CTNNA3: variants seen among roughly 807,000 people sequenced by gnomAD.
CTNNA3 encodes the protein catenin alpha 3.
CTNNA3 carries 76 observed loss-of-function variants against 95.7 expected under a neutral mutation model. That is an observed-to-expected ratio of 0.79 (90% CI 0.66 to 0.96). The LOEUF is 0.96. Ranked by LOEUF, CTNNA3 falls within the 40% of genes least tolerant of loss-of-function variation. The probability of loss-of-function intolerance (pLI) is 0.00; values close to 1 mark genes in which losing one functional copy is unlikely to be tolerated. For synonymous variants in CTNNA3, 431 were observed against 374.4 expected (o/e 1.15, Z -1.74); for missense variants, 1,191 against 1,089.8 (o/e 1.09, Z -1.31).
In CTNNA3 at chr10:66,269,183, GC is replaced by G. The variant is rs534482276; in HGVS notation, c.1884+11286del. 2.0e-5 allele frequency among the ~76,000 whole-genome samples: 3 copies of G among 152,160 alleles called. No individual in the cohort carries two copies. The South Asian group carries it at 6.2e-4, about 31-fold the overall frequency. Reference sequence around the variant, plus strand: ...TCTTTGTTATCCCCATTTTACAAATGCAAATCTGAAGTTAAAAGACTACATG... The same window carrying G: ...TCTTTGTTATCCCCATTTTACAAATGAAATCTGAAGTTAAAAGACTACATG... On this transcript the variant is annotated intron_variant, in intron 13 of 17. Transcript: ENST00000433211.
intron 10 of CTNNA3, among the ~76,000 whole-genome samples, chr10:66,564,301 G>C (rs1353338432): frequency 6.6e-6 from 1 of 152,132 alleles, no homozygotes; most frequent in Non-Finnish European, 1.5e-5. Flanking sequence ...TACAGATCTT[G>C]CCTCTAGCCA....
Position 67,542,277 on chromosome 10 carries a change from A to G in CTNNA3, c.293-2608T>C, listed in dbSNP as rs1002230295. On this transcript the variant is annotated intron_variant, in intron 3 of 17. Coordinates refer to ENST00000433211, the MANE Select transcript of CTNNA3 (RefSeq NM_013266.4). ...GGGAAGCTTGGACCCCCCATTACCA[A>G]GATAGGTCTTACAATAAGATTCTAT... Among the ~76,000 whole-genome samples, 14 of 152,192 alleles carry G rather than the reference A, an allele frequency of 9.2e-5. No individual in the cohort carries two copies. In the East Asian group the frequency reaches 2.7e-3, roughly 29 times the overall value.
At chr10:66,346,224 TATATATATATATATATATATATAGAGAG>T (rs1202283574) in intron 12 of CTNNA3, among the ~76,000 whole-genome samples, 150 of 80,994 alleles carry the variant, frequency 1.9e-3, no homozygotes, top group African/African-American at 3.8e-3. Flanking sequence ...TATATATATA[TATATATATATATATATATATATAGAGAG>T]AGAGAGAGAG....
intron 11 of CTNNA3, among the ~76,000 whole-genome samples, chr10:66,389,825 A>G (rs1013623311): frequency 6.6e-6 from 1 of 151,496 alleles, no homozygotes; most frequent in Admixed American, 6.6e-5. Flanking sequence ...TGCAACCTCA[A>G]ACTCTTGGGC....
chr10:66,181,996 T>A (rs553349428), intron 13 of CTNNA3, among the ~76,000 whole-genome samples: 1 of 152,270 alleles, frequency 6.6e-6, no homozygotes, highest in East Asian at 1.9e-4. Flanking sequence ...AATTTTGCAA[T>A]TGCTAATGTT....
At chr10:67,324,701 C>CTT (rs77397580) in intron 5 of CTNNA3, among the ~76,000 whole-genome samples, 1 of 141,998 alleles carries the variant, frequency 7.0e-6, no homozygotes, top group Admixed American at 7.1e-5. Context: ...AAATTTTCTC[C>CTT]TTTTTTTTTT....
chr10:67,089,505 A>G (rs1857501497), intron 7 of CTNNA3, among the ~76,000 whole-genome samples: 1 of 152,070 alleles, frequency 6.6e-6, no homozygotes, highest in Non-Finnish European at 1.5e-5. Flanking sequence ...GAACAAATAA[A>G]TCAGTTTCAA....
At chr10:67,458,516 T>G (rs1478548983) in intron 5 of CTNNA3, among the ~76,000 whole-genome samples, 3 of 152,004 alleles carry the variant, frequency 2.0e-5, no homozygotes, top group Non-Finnish European at 2.9e-5. Context: ...AGTGTAAAAC[T>G]TCTGGAAGTA....
intron 5 of CTNNA3, among the ~76,000 whole-genome samples, chr10:67,297,073 A>C (rs1392213625): frequency 6.6e-6 from 1 of 151,854 alleles, no homozygotes; most frequent in Non-Finnish European, 1.5e-5. Context: ...TATGACCTCT[A>C]GTCAGTCACC....
At chr10:66,913,208 C>A (rs747327040) in intron 7 of CTNNA3, among the ~76,000 whole-genome samples, 6 of 116,842 alleles carry the variant, frequency 5.1e-5, no homozygotes, top group Admixed American at 4.8e-4. Flanking sequence ...CACTGCAGTC[C>A]GGCCTGGGCG....
chr10:66,281,272 C>CT (rs989456104), intron 12 of CTNNA3, among the ~76,000 whole-genome samples: 46 of 151,904 alleles, frequency 3.0e-4, no homozygotes, highest in African/African-American at 9.6e-4. Context: ...CATGGATTAT[C>CT]TTTTTAAATT....
intron 7 of CTNNA3, among the ~76,000 whole-genome samples, chr10:66,790,716 T>A (rs543857776): frequency 6.6e-6 from 1 of 152,288 alleles, no homozygotes; most frequent in South Asian, 2.1e-4. Context: ...TATATTATTC[T>A]CATCTTAGGA....
chr10:67,113,612 C>A (rs1859017010), intron 7 of CTNNA3, among the ~76,000 whole-genome samples: 1 of 152,086 alleles, frequency 6.6e-6, no homozygotes, highest in African/African-American at 2.4e-5. Context: ...TTTTAAGAGA[C>A]AGGGCCTTAT....
At chr10:67,282,328 C>G (rs1486226703) in intron 5 of CTNNA3, among the ~76,000 whole-genome samples, 2 of 152,038 alleles carry the variant, frequency 1.3e-5, no homozygotes, top group African/African-American at 4.8e-5. Context: ...CTAATATAAA[C>G]AATATAACAT....
In CTNNA3 at chr10:66,602,951, C is replaced by T. The variant is rs571806965; in HGVS notation, c.1374+18741G>A. ...TGCATAGAAGAAATATACCTCAACA[C>T]AATAAAGGCCATATGTGACAAACCT... On this transcript the variant is annotated intron_variant, in intron 10 of 17. Transcript: ENST00000433211. Among the ~76,000 whole-genome samples the T allele has an allele frequency of 9.2e-5, 14 of 152,060 alleles. No individual in the cohort carries two copies. In the East Asian group the frequency reaches 1.7e-3, roughly 19 times the overall value.
intron 11 of CTNNA3, among the ~76,000 whole-genome samples, chr10:66,472,139 C>A (rs1169033003): frequency 6.6e-6 from 1 of 152,008 alleles, no homozygotes; most frequent in East Asian, 1.9e-4. Flanking sequence ...ATATACACAT[C>A]ATAGAAGCTT....
intron 11 of CTNNA3, among the ~76,000 whole-genome samples, chr10:66,446,831 C>A (rs1420557534): frequency 6.6e-6 from 1 of 151,986 alleles, no homozygotes; most frequent in Non-Finnish European, 1.5e-5. Flanking sequence ...CCAGGGCAAT[C>A]AGGCAGCAGA....
chr10:66,859,332 A>C (rs1290525377), intron 7 of CTNNA3, among the ~76,000 whole-genome samples: 2 of 151,894 alleles, frequency 1.3e-5, no homozygotes, highest in African/African-American at 4.8e-5. Flanking sequence ...AAAAACAAAC[A>C]ACCCCATCAA....
intron 7 of CTNNA3, among the ~76,000 whole-genome samples, chr10:66,845,725 A>AAAAAAAAAAAAAAAAAAAAAAAAAAAC (rs1160996707): frequency 1.0e-5 from 1 of 100,340 alleles, no homozygotes; most frequent in Non-Finnish European, 2.1e-5. Flanking sequence ...AAAAAAAAAA[A>AAAAAAAAAAAAAAAAAAAAAAAAAAAC]AAAACTAAAA....
Sources: allele counts gnomAD v4.1 joint callset (sites outside exome capture counted in the v4.1 genomes callset), GRCh38; gene constraint gnomAD v4.1.1; transcripts MANE v1.5; gene names NCBI Gene and HGNC (gene_info 2026-07-23, HGNC 2026-07-21).